Variants in UTRN observed in about 807,000 individuals in gnomAD.
UTRN encodes the protein dystrophin-related protein 1.
Under a neutral mutation model 463.9 loss-of-function variants are expected in UTRN, and 283 were observed. The observed-to-expected ratio is 0.61, with a 90% CI of 0.55 to 0.67. UTRN has a LOEUF of 0.67. UTRN is among the 30% of genes least tolerant of loss of function. The pLI is 0.00. For synonymous variants in UTRN, 1,442 were observed against 1,431.5 expected (o/e 1.01, Z -0.17); for missense variants, 3,922 against 4,084.3 (o/e 0.96, Z 1.08).
At chr6:144,721,346 C>G (rs768256431) in intron 53 of UTRN, among the ~76,000 whole-genome samples, 1 of 152,098 alleles carries the variant, frequency 6.6e-6, no homozygotes, top group Non-Finnish European at 1.5e-5. Flanking sequence ...GCAGCTGAGA[C>G]TATAGGTGCA....
chr6:144,710,580 A>G (rs1036221145), intron 53 of UTRN, among the ~76,000 whole-genome samples: 1 of 152,226 alleles, frequency 6.6e-6, no homozygotes, highest in East Asian at 1.9e-4. Flanking sequence ...GAACATTGAT[A>G]TATTTTCAGC....
At chr6:144,689,798 C>T (rs879636617) in intron 52 of UTRN, among the ~76,000 whole-genome samples, 5 of 152,002 alleles carry the variant, frequency 3.3e-5, no homozygotes, top group Non-Finnish European at 4.4e-5. Context: ...GAACAGGTCA[C>T]GTGGGCAGAC....
intron 2 of UTRN, among the ~76,000 whole-genome samples, chr6:144,370,431 G>T (rs568969359): frequency 5.9e-5 from 9 of 152,334 alleles, no homozygotes; most frequent in African/African-American, 1.9e-4. Context: ...CAGAAGTCAA[G>T]AATTGAGGTT....
intron 2 of UTRN, among the ~76,000 whole-genome samples, chr6:144,372,443 G>A (rs1303984483): frequency 6.6e-6 from 1 of 152,138 alleles, no homozygotes; most frequent in Non-Finnish European, 1.5e-5. Context: ...TTGCAAATTA[G>A]GTATCTGCTA....
chr6:144,758,063 C>T, intron 58 of UTRN, 74 bp downstream of exon 58: 1 of 1,290,698 alleles, frequency 7.7e-7, no homozygotes, highest in Admixed American at 2.2e-5. Flanking sequence ...GGCTTCTCTC[C>T]CCATAACTTT....
At chr6:144,731,074 A>C (rs1788465068) in intron 54 of UTRN, among the ~76,000 whole-genome samples, 1 of 150,874 alleles carries the variant, frequency 6.6e-6, no homozygotes, top group Non-Finnish European at 1.5e-5. Context: ...AATAATTGCA[A>C]GTAGAAGACA....
intron 23 of UTRN, among the ~76,000 whole-genome samples, chr6:144,465,124 T>G (rs1329684316): frequency 6.6e-6 from 1 of 152,208 alleles, no homozygotes; most frequent in African/African-American, 2.4e-5. Context: ...TGCCAAAGTT[T>G]AGCAATGCCA....
chr6:144,347,837 G>GTGT (rs1777718120), intron 2 of UTRN, among the ~76,000 whole-genome samples: 2 of 128,902 alleles, frequency 1.6e-5, no homozygotes, highest in African/African-American at 3.4e-5. Context: ...CTTATTCTTT[G>GTGT]TTTTTTTTTT....
intron 34 of UTRN, among the ~76,000 whole-genome samples, chr6:144,504,956 A>G (rs945701254): frequency 1.3e-5 from 2 of 152,282 alleles, no homozygotes; most frequent in African/African-American, 4.8e-5. Flanking sequence ...TGGTCTATTC[A>G]GGGATTCAAC....
intron 37 of UTRN, 68 bp downstream of exon 37, chr6:144,514,888 G>A: frequency 7.0e-7 from 1 of 1,423,830 alleles, no homozygotes. Context: ...TAGTCATACA[G>A]TACATACATC....
At chr6:144,530,035 G>A (rs1049926215) in intron 41 of UTRN, among the ~76,000 whole-genome samples, 2 of 152,118 alleles carry the variant, frequency 1.3e-5, no homozygotes, top group African/African-American at 4.8e-5. Flanking sequence ...TGCATAACGG[G>A]CTCTGCATGC....
chr6:144,501,076 G>A (rs1483578772), intron 34 of UTRN, among the ~76,000 whole-genome samples: 1 of 152,156 alleles, frequency 6.6e-6, no homozygotes, highest in Non-Finnish European at 1.5e-5. Flanking sequence ...CTGTGGAGAT[G>A]ACAGCTGGGA....
intron 12 of UTRN, among the ~76,000 whole-genome samples, chr6:144,439,498 C>CTTTT (rs201351028): frequency 6.6e-6 from 1 of 151,542 alleles, no homozygotes; most frequent in African/African-American, 2.4e-5. Flanking sequence ...TTCTTTCTTT[C>CTTTT]TTTCTTTTTT....
rs1787448270 is a variant in UTRN at position 144,444,261 on chromosome 6, A to G, written c.1513-20A>G. Reference sequence around the variant, plus strand: ...TCTCTTAAGGCTGTGTTGACAAAGGATGGTTTCTCCTTTTTCTAGAAACTT... The same window carrying G: ...TCTCTTAAGGCTGTGTTGACAAAGGGTGGTTTCTCCTTTTTCTAGAAACTT... On this transcript the variant is annotated intron_variant, in intron 13 of 74. Coordinates refer to ENST00000367545, the MANE Select transcript of UTRN (RefSeq NM_007124.3). 6.3e-7 allele frequency: 1 copy of G among 1,598,300 alleles called. No homozygotes were observed. Among genetic ancestry groups the G allele is most frequent in the African/African-American group, 1.3e-5 (1 of 74,518 alleles).
In UTRN at chr6:144,774,170, CTT is replaced by C. The variant is rs113015266; in HGVS notation, c.8558-116_8558-115del. The C allele has an allele frequency of 3.0e-3, 3,107 of 1,021,300 alleles. 72 individuals carry two copies. In the African/African-American group the frequency reaches 0.047, roughly 15 times the overall value. The allele number at this position is 1,021,300 out of a possible 1,614,324, so 63.3% of individuals were successfully genotyped here. ...ACGTGTTGGGGAATTTGGGAGAAGACTTTTTATTTCAGGCAAACATAATATTT... is the reference window on the plus strand; with the variant it reads ...ACGTGTTGGGGAATTTGGGAGAAGACTTTATTTCAGGCAAACATAATATTT... On this transcript the variant is annotated intron_variant, in intron 59 of 74. Transcript: ENST00000367545.
At chr6:144,539,548 A>G (rs1797816210) in intron 45 of UTRN, 105 bp downstream of exon 45, 1 of 1,157,150 alleles carries the variant, frequency 8.6e-7, no homozygotes, top group East Asian at 2.7e-5. Flanking sequence ...CAAATGGGGC[A>G]AATTTTACTA....
intron 2 of UTRN, among the ~76,000 whole-genome samples, chr6:144,388,238 A>C (rs1417041818): frequency 2.6e-5 from 4 of 152,042 alleles, no homozygotes; most frequent in Non-Finnish European, 4.4e-5. Context: ...CTGCTTTATT[A>C]CCCCTTAATA....
At chr6:144,323,465 A>C (rs564537442) in intron 2 of UTRN, among the ~76,000 whole-genome samples, 1 of 152,334 alleles carries the variant, frequency 6.6e-6, no homozygotes, top group South Asian at 2.1e-4. Flanking sequence ...TTTTGTGATA[A>C]TCTGTTTTAA....
chr6:144,836,639 C>A (rs1426461864), intron 71 of UTRN, 98 bp downstream of exon 71: 1 of 1,497,216 alleles, frequency 6.7e-7, no homozygotes, highest in Non-Finnish European at 8.9e-7. Context: ...GAGAAGTCCA[C>A]TTTCAATTTC....
Sources: gnomAD v4.1 joint callset for allele counts (sites outside exome capture counted in the v4.1 genomes callset) on GRCh38, gnomAD v4.1.1 for gene constraint, MANE v1.5 for transcripts, NCBI Gene and HGNC (gene_info 2026-07-23, HGNC 2026-07-21) for gene names.